NXPH1: variants seen among roughly 807,000 people sequenced by gnomAD.
The protein encoded by NXPH1 is neurexophilin-1.
NXPH1 carries 5 observed loss-of-function variants against 23.7 expected under a neutral mutation model. The ratio of observed to expected loss-of-function variants is 0.21; its 90% CI spans 0.11 to 0.44. The LOEUF (loss-of-function observed/expected upper bound fraction) is 0.44, where lower values mean the gene tolerates loss of function less well. NXPH1 is among the 20% of genes least tolerant of loss of function. NXPH1 has a pLI of 0.99. For missense variants in NXPH1, 324 were observed against 321.6 expected (o/e 1.01, Z -0.06); for synonymous variants, 144 against 122.2 (o/e 1.18, Z -1.18).
intron 2 of NXPH1, among the ~76,000 whole-genome samples, chr7:8,548,308 C>T (rs1229690434): frequency 6.6e-6 from 1 of 151,538 alleles, no homozygotes; most frequent in Non-Finnish European, 1.5e-5. Flanking sequence ...CCATGTTGGA[C>T]ATCGCCCTGG....
intron 2 of NXPH1, among the ~76,000 whole-genome samples, chr7:8,739,165 G>A (rs1476111856): frequency 1.1e-5 from 1 of 92,492 alleles, no homozygotes; most frequent in Non-Finnish European, 2.0e-5. Flanking sequence ...CCAGGCACCA[G>A]TGGGGTAAAA....
intron 2 of NXPH1, among the ~76,000 whole-genome samples, chr7:8,465,928 T>G (rs911867992): frequency 4.6e-5 from 7 of 152,148 alleles, no homozygotes; most frequent in African/African-American, 1.7e-4. Flanking sequence ...CTGTCCCCCA[T>G]GTACTGCAAA....
intron 2 of NXPH1, among the ~76,000 whole-genome samples, chr7:8,465,143 TC>T (rs949582979): frequency 2.2e-4 from 34 of 152,306 alleles, no homozygotes; most frequent in Middle Eastern, 3.4e-3. Flanking sequence ...ATAGGGGATC[TC>T]CCCAAAATCT....
chr7:8,689,281 G>C (rs1176384033), intron 2 of NXPH1, among the ~76,000 whole-genome samples: 2 of 150,644 alleles, frequency 1.3e-5, no homozygotes, highest in African/African-American at 4.9e-5. Context: ...AAGTAGGTGT[G>C]CTTTCTATTA....
At chr7:8,463,224 C>T (rs1055253695) in intron 2 of NXPH1, among the ~76,000 whole-genome samples, 2 of 151,934 alleles carry the variant, frequency 1.3e-5, no homozygotes, top group African/African-American at 4.8e-5. Flanking sequence ...GGCATATTTA[C>T]ATATACTGAC....
In NXPH1 at chr7:8,739,171, TAAAAAAAAAAAAAAA is replaced by T. The variant is rs34593997; in HGVS notation, c.55-11818_55-11804del. Among the ~76,000 whole-genome samples the T allele has an allele frequency of 1.6e-3, 88 of 54,046 alleles. 1 individual carries two copies. The highest frequency in any genetic ancestry group is 5.7e-3 in the African/African-American group (75 of 13,092). The allele number at this position is 54,046 out of a possible 152,430, so 35.5% of individuals were successfully genotyped here. ...ACTGGAGTTCCAGGCACCAGTGGGG[TAAAAAAAAAAAAAAA>T]AAAAAAAAAAAAAAAAAACCCTGCA... On this transcript the variant is annotated intron_variant, in intron 2 of 2. Coordinates refer to ENST00000405863, the MANE Select transcript of NXPH1 (RefSeq NM_152745.3).
chr7:8,535,228 T>C (rs569084138), intron 2 of NXPH1, among the ~76,000 whole-genome samples: 1 of 152,148 alleles, frequency 6.6e-6, no homozygotes. Flanking sequence ...GGTTTGAATA[T>C]AGCTAGATGC....
chr7:8,607,653 T>C (rs1819523433), intron 2 of NXPH1, among the ~76,000 whole-genome samples: 2 of 152,214 alleles, frequency 1.3e-5, no homozygotes, highest in African/African-American at 4.8e-5. Context: ...TCAGCTATGA[T>C]GGTTTTCACA....
intron 2 of NXPH1, among the ~76,000 whole-genome samples, chr7:8,556,225 G>C (rs1157623829): frequency 6.6e-6 from 1 of 151,688 alleles, no homozygotes; most frequent in Non-Finnish European, 1.5e-5. Context: ...CATAGAGTGT[G>C]TGTTCTGGGT....
intron 2 of NXPH1, among the ~76,000 whole-genome samples, chr7:8,457,498 T>TG (rs1816617488): frequency 6.6e-6 from 1 of 151,982 alleles, no homozygotes; most frequent in Non-Finnish European, 1.5e-5. Flanking sequence ...CATACACTTC[T>TG]TTTTTTGCCA....
intron 2 of NXPH1, among the ~76,000 whole-genome samples, chr7:8,469,089 G>GA (rs1245190618): frequency 6.6e-6 from 1 of 151,794 alleles, no homozygotes; most frequent in Non-Finnish European, 1.5e-5. Context: ...TTAAGATACA[G>GA]AAAAAAGAAA....
At chr7:8,514,039 TC>T (rs1817653368) in intron 2 of NXPH1, among the ~76,000 whole-genome samples, 1 of 152,116 alleles carries the variant, frequency 6.6e-6, no homozygotes. Flanking sequence ...TCTCTCTGTG[TC>T]CCAATTGTTC....
At chr7:8,490,701 C>G (rs1187324390) in intron 2 of NXPH1, among the ~76,000 whole-genome samples, 1 of 151,808 alleles carries the variant, frequency 6.6e-6, no homozygotes, top group Non-Finnish European at 1.5e-5. Context: ...TCACTGTTTT[C>G]TATGTAAGAT....
At chr7:8,457,213 C>G (rs550999258) in intron 2 of NXPH1, among the ~76,000 whole-genome samples, 109 of 152,260 alleles carry the variant, frequency 7.2e-4, no homozygotes, top group African/African-American at 2.5e-3. Flanking sequence ...ATTCTCTTTA[C>G]TGTGCAACCA....
Position 8,711,814 on chromosome 7 carries a change from G to T in NXPH1, c.55-39194G>T, listed in dbSNP as rs1328125368. Among the ~76,000 whole-genome samples, 3 of 152,324 alleles carry T rather than the reference G, an allele frequency of 2.0e-5. No homozygotes were observed. The East Asian group carries it at 5.8e-4, about 29-fold the overall frequency. ...GACCTCTGAGGAACTGAATGCCAGG[G>T]TAAGCGATATTCTAAAGAGATTATA... On this transcript the variant is annotated intron_variant, in intron 2 of 2. Transcript: ENST00000405863.
intron 2 of NXPH1, among the ~76,000 whole-genome samples, chr7:8,561,906 G>A (rs1439682251): frequency 1.3e-5 from 2 of 151,686 alleles, no homozygotes; most frequent in Non-Finnish European, 3.0e-5. Context: ...TTTAAAAAAA[G>A]TATTGTATAT....
chr7:8,663,941 T>A (rs1459806161), intron 2 of NXPH1, among the ~76,000 whole-genome samples: 1 of 152,114 alleles, frequency 6.6e-6, no homozygotes, highest in Non-Finnish European at 1.5e-5. Context: ...TGTATGATGC[T>A]TTAACTTTCC....
At chr7:8,604,938 T>C (rs1819449543) in intron 2 of NXPH1, among the ~76,000 whole-genome samples, 1 of 152,142 alleles carries the variant, frequency 6.6e-6, no homozygotes, top group African/African-American at 2.4e-5. Flanking sequence ...TATATGGAAA[T>C]AGTAACATGC....
At chr7:8,566,582 C>T (rs1048327098) in intron 2 of NXPH1, among the ~76,000 whole-genome samples, 1 of 151,816 alleles carries the variant, frequency 6.6e-6, no homozygotes. Flanking sequence ...GGAGCTGGGA[C>T]ACTCTTCTCC....
Sources: allele counts gnomAD v4.1 joint callset (sites outside exome capture counted in the v4.1 genomes callset), GRCh38; gene constraint gnomAD v4.1.1; transcripts MANE v1.5; gene names NCBI Gene and HGNC (gene_info 2026-07-23, HGNC 2026-07-21).